The following GALNT1 variants were observed in gnomAD, a reference collection of about 807,000 sequenced individuals.
GALNT1 encodes GalNAc transferase 1.
In GALNT1, 17 loss-of-function variants were observed where a neutral mutation model predicts 65.7. That is an observed-to-expected ratio of 0.26 (90% confidence interval 0.18 to 0.39). The LOEUF is 0.39. Among genes scored for constraint, GALNT1 ranks in the 10% least tolerant of loss-of-function variants. The probability of loss-of-function intolerance (pLI) is 1.00; values close to 1 mark genes in which losing one functional copy is unlikely to be tolerated. For missense variants in GALNT1, 460 were observed against 672.8 expected (o/e 0.68, Z 3.50); for synonymous variants, 210 against 219.7 (o/e 0.96, Z 0.39).
At position 35,709,958 on chromosome 18, in the gene GALNT1, T is replaced by C. The variant is rs1479461304; in HGVS notation, c.*188T>C. The C allele has an allele frequency of 1.6e-6, 1 of 620,136 alleles. No individual in the cohort carries two copies. Among genetic ancestry groups the C allele is most frequent in the African/African-American group, 1.8e-5 (1 of 54,146 alleles). 38.4% of individuals were successfully genotyped at this position (620,136 alleles called of 1,614,324 possible). On this transcript the variant is annotated 3_prime_UTR_variant, in exon 12 of 12. Transcript: ENST00000269195. ...AGCTGTGAACCAGCCTTCCTGTCCA[T>C]GGACGTGAAACTGCATAGTAATGAG...
chr18:35,654,709 T>G lies in GALNT1; in HGVS notation c.47T>G (p.Ile16Ser), dbSNP rs1555647689. Residue 16 changes from isoleucine (I) to serine (S), a missense_variant, in exon 2 of 12, where the codon ATT becomes AGT. Transcript: ENST00000269195. ...AAGGTGGTCCTAGCCACCTCCTTGATTTGGGTACTCTTGGATATGTTCCTG... is the reference window on the plus strand; with the variant it reads ...AAGGTGGTCCTAGCCACCTCCTTGAGTTGGGTACTCTTGGATATGTTCCTG... ...YCKVVLATSL[I>S]WVLLDMFLLL... The G allele has an allele frequency of 6.4e-7, 1 of 1,566,374 alleles. No homozygotes were observed. Among genetic ancestry groups the G allele is most frequent in the Non-Finnish European group, 8.7e-7 (1 of 1,153,260 alleles).
At chr18:35,637,867 G>A (rs1401261207) in intron 1 of GALNT1, among the ~76,000 whole-genome samples, 1 of 152,196 alleles carries the variant, frequency 6.6e-6, no homozygotes, top group Non-Finnish European at 1.5e-5. Context: ...CCAATGTTCA[G>A]TTACCATTCT....
At chr18:35,661,286 G>A (rs1335921011) in intron 2 of GALNT1, among the ~76,000 whole-genome samples, 2 of 152,052 alleles carry the variant, frequency 1.3e-5, no homozygotes, top group African/African-American at 4.8e-5. Flanking sequence ...ATCACCTGAG[G>A]TCAGAAGTTC....
intron 9 of GALNT1, among the ~76,000 whole-genome samples, chr18:35,700,369 T>A (rs2048140379): frequency 6.6e-6 from 1 of 152,148 alleles, no homozygotes; most frequent in Non-Finnish European, 1.5e-5. Context: ...GTTTCTCCCC[T>A]TTACATCAGA....
intron 10 of GALNT1, 71 bp from the exon 11 acceptor site, chr18:35,703,438 C>G (rs905885303): frequency 2.9e-5 from 40 of 1,366,380 alleles, no homozygotes; most frequent in Non-Finnish European, 3.9e-5. Context: ...TTTTCCCTGA[C>G]AGCTAATTGG....
At chr18:35,609,966 A>G (rs981414309) in intron 1 of GALNT1, among the ~76,000 whole-genome samples, 1 of 151,836 alleles carries the variant, frequency 6.6e-6, no homozygotes, top group African/African-American at 2.4e-5. Flanking sequence ...TTTGAGATGA[A>G]TGGAACACAG....
chr18:35,685,305 C>G (rs187097653), intron 5 of GALNT1, among the ~76,000 whole-genome samples: 1 of 152,138 alleles, frequency 6.6e-6, no homozygotes, highest in African/African-American at 2.4e-5. Flanking sequence ...AAAACTAATT[C>G]GTTTAATACA....
intron 5 of GALNT1, among the ~76,000 whole-genome samples, chr18:35,685,088 T>C (rs574532498): frequency 6.6e-6 from 1 of 152,048 alleles, no homozygotes; most frequent in Non-Finnish European, 1.5e-5. Flanking sequence ...CGAACCAAAC[T>C]CTTTTTATGA....
intron 1 of GALNT1, among the ~76,000 whole-genome samples, chr18:35,641,336 C>G (rs533424283): frequency 2.6e-5 from 4 of 151,970 alleles, no homozygotes; most frequent in Non-Finnish European, 4.4e-5. Flanking sequence ...AGTCCTAGCT[C>G]GGAGGCTGAA....
intron 9 of GALNT1, among the ~76,000 whole-genome samples, chr18:35,693,940 A>G (rs1187705886): frequency 6.6e-6 from 1 of 152,196 alleles, no homozygotes; most frequent in Non-Finnish European, 1.5e-5. Context: ...GGAATCAGCA[A>G]AAAAGATTGA....
chr18:35,662,704 T>C (rs144200398), intron 2 of GALNT1, among the ~76,000 whole-genome samples: 6 of 152,340 alleles, frequency 3.9e-5, no homozygotes, highest in African/African-American at 1.4e-4. Flanking sequence ...AAAATATATT[T>C]TCATCCCATT....
chr18:35,705,682 C>G (rs4559972), intron 11 of GALNT1, among the ~76,000 whole-genome samples: 1 of 152,238 alleles, frequency 6.6e-6, no homozygotes, highest in South Asian at 2.1e-4. Context: ...TGAAAAACCT[C>G]TTAAGTTTAT....
chr18:35,596,486 A>T (rs2046506240), intron 1 of GALNT1: 1 of 152,258 alleles, frequency 6.6e-6, no homozygotes, highest in South Asian at 2.1e-4. Flanking sequence ...GTGTTGAGCT[A>T]GAGAGGTGGG....
chr18:35,642,691 A>G (rs891078741), intron 1 of GALNT1, among the ~76,000 whole-genome samples: 17 of 151,162 alleles, frequency 1.1e-4, no homozygotes, highest in African/African-American at 4.1e-4. Flanking sequence ...ATATATAATT[A>G]TGACCCACAG....
At chr18:35,609,251 G>A (rs1352908492) in intron 1 of GALNT1, among the ~76,000 whole-genome samples, 1 of 152,126 alleles carries the variant, frequency 6.6e-6, no homozygotes, top group Non-Finnish European at 1.5e-5. Flanking sequence ...TGGTACTGTA[G>A]AGGATAGCTA....
At chr18:35,645,757 A>G (rs1211427215) in intron 1 of GALNT1, among the ~76,000 whole-genome samples, 2 of 152,138 alleles carry the variant, frequency 1.3e-5, no homozygotes, top group South Asian at 2.1e-4. Flanking sequence ...TTGGACCTTC[A>G]GTACAGTGTC....
At chr18:35,642,054 A>G (rs1049523381) in intron 1 of GALNT1, among the ~76,000 whole-genome samples, 2 of 152,206 alleles carry the variant, frequency 1.3e-5, no homozygotes, top group African/African-American at 4.8e-5. Flanking sequence ...AGTTGTTGCA[A>G]CAGACATTGC....
At chr18:35,700,277 A>T (rs1050611482) in intron 9 of GALNT1, among the ~76,000 whole-genome samples, 2 of 152,208 alleles carry the variant, frequency 1.3e-5, no homozygotes, top group African/African-American at 4.8e-5. Flanking sequence ...GTTGAGCCAA[A>T]CAGAATCCTC....
chr18:35,684,793 G>T (rs2144616239), intron 5 of GALNT1, among the ~76,000 whole-genome samples: 1 of 152,170 alleles, frequency 6.6e-6, no homozygotes, highest in East Asian at 1.9e-4. Flanking sequence ...GCTTTCGCTG[G>T]TAGGGTTTCT....
Sources: allele counts gnomAD v4.1 joint callset (sites outside exome capture counted in the v4.1 genomes callset), GRCh38; gene constraint gnomAD v4.1.1; transcripts MANE v1.5; gene names NCBI Gene and HGNC (gene_info 2026-07-23, HGNC 2026-07-21).